The following VAMP3 variants were observed in gnomAD, a reference collection of about 807,000 sequenced individuals.
VAMP3 encodes vesicle associated membrane protein 3.
Under a neutral mutation model 18.1 loss-of-function variants are expected in VAMP3, and 11 were observed. That is an observed-to-expected ratio of 0.61 (90% CI 0.38 to 1.00). VAMP3 has a LOEUF of 1.00. VAMP3 is among the 50% of genes least tolerant of loss of function. VAMP3 has a pLI of 0.01. For missense variants in VAMP3, 122 were observed against 127.3 expected, an observed-to-expected ratio of 0.96 and a Z score of 0.20; for synonymous variants, 49 against 43.1, an observed-to-expected ratio of 1.14 and a Z score of -0.53.
At chr1:7,777,494 A>G (rs987831946) in intron 3 of VAMP3, among the ~76,000 whole-genome samples, 176 bp downstream of exon 3, 16 of 152,064 alleles carry the variant, frequency 1.1e-4, no homozygotes, top group Non-Finnish European at 2.4e-4. Flanking sequence ...TCCTAGCCCC[A>G]CACTAGGAAT....
chr1:7,778,333 G>A (rs984033506), intron 4 of VAMP3, among the ~76,000 whole-genome samples, 164 bp downstream of exon 4: 1 of 152,152 alleles, frequency 6.6e-6, no homozygotes, highest in Non-Finnish European at 1.5e-5. Context: ...GAGGCCAGGA[G>A]TTTGAGACCA....
In VAMP3 at chr1:7,773,451, T is replaced by C. The variant is rs774590605; in HGVS notation, c.12T>C (p.Gly4=). The C allele has an allele frequency of 9.9e-6, 16 of 1,613,932 alleles. No individual in the cohort carries two copies. The highest frequency in any genetic ancestry group is 1.2e-5 in the Non-Finnish European group (14 of 1,179,992). The change falls in exon 2 of 5, where the codon GGT becomes GGC. Residue 4 remains glycine, a synonymous_variant. Coordinates refer to ENST00000054666, the MANE Select transcript of VAMP3 (RefSeq NM_004781.4). MST[G]PTAATGSNRR... ...CCTTTACATGTTCCAGGTCTACAGG[T>C]CCAACTGCTGCCACTGGCAGTAATC...
chr1:7,771,447 C>G, intron 1 of VAMP3, 62 bp downstream of exon 1: 1 of 1,489,614 alleles, frequency 6.7e-7, no homozygotes. Context: ...CGCGCTGGGA[C>G]CGCCATACTG....
chr1:7,778,185 C>T lies in VAMP3; in HGVS notation c.283+16C>T. 1 of 1,614,012 alleles carries T rather than the reference C, an allele frequency of 6.2e-7. No individual in the cohort carries two copies. Among genetic ancestry groups the T allele is most frequent in the Non-Finnish European group, 8.5e-7 (1 of 1,179,926 alleles). On this transcript the variant is annotated intron_variant, in intron 4 of 4. Coordinates refer to ENST00000054666, the MANE Select transcript of VAMP3 (RefSeq NM_004781.4). ...ATCATCATCGGTGAGTTACCCTTTT[C>T]TAAACTGATTGGAAAAGTCTTCTCC...
chr1:7,773,652 C>G (rs999631823), intron 2 of VAMP3, 141 bp downstream of exon 2: 1 of 816,356 alleles, frequency 1.2e-6, no homozygotes, highest in African/African-American at 1.7e-5. Flanking sequence ...TTGCTCCCTG[C>G]TGTGCTGGAA....
Position 7,779,602 on chromosome 1 carries a change from T to C in VAMP3, c.284-24T>C, listed in dbSNP as rs144345842. 8.8e-4 allele frequency: 1,422 copies of C among 1,614,120 alleles called. 15 individuals carry two copies. In the African/African-American group the frequency reaches 0.017, roughly 19 times the overall value. On this transcript the variant is annotated intron_variant, in intron 4 of 4. Coordinates refer to ENST00000054666, the MANE Select transcript of VAMP3 (RefSeq NM_004781.4). Reference sequence around the variant, plus strand: ...GACTAACCTGCTGTTTCCCCTGCCTTTTTGCATCTCTCCTCCTTCTTAGTG... The same window carrying C: ...GACTAACCTGCTGTTTCCCCTGCCTCTTTGCATCTCTCCTCCTTCTTAGTG...
At chr1:7,772,691 C>G (rs1318830273) in intron 1 of VAMP3, 1 of 152,052 alleles carries the variant, frequency 6.6e-6, no homozygotes, top group Non-Finnish European at 1.5e-5. Flanking sequence ...GAGTTCGAGA[C>G]CAGCTTGACC....
chr1:7,779,827 C>A lies in VAMP3; in HGVS notation c.*182C>A, dbSNP rs991114793. On this transcript the variant is annotated 3_prime_UTR_variant, in exon 5 of 5. Transcript: ENST00000054666. ...TATGCACTCCAAATTAGAAGGCCGGCCCCGTCCACATTTTGCACAGTGCCT... is the reference window on the plus strand; with the variant it reads ...TATGCACTCCAAATTAGAAGGCCGGACCCGTCCACATTTTGCACAGTGCCT... The A allele has an allele frequency of 4.1e-6, 3 of 725,652 alleles. No homozygotes were observed. The highest frequency in any genetic ancestry group is 6.7e-6 in the Non-Finnish European group (3 of 448,556). 45.0% of individuals were successfully genotyped at this position (725,652 alleles called of 1,614,324 possible).
intron 3 of VAMP3, among the ~76,000 whole-genome samples, chr1:7,777,830 T>C (rs2097055069): frequency 6.6e-6 from 1 of 152,182 alleles, no homozygotes; most frequent in Admixed American, 6.5e-5. Flanking sequence ...AGTGACACTT[T>C]GAGACACAGG....
At chr1:7,777,389 A>G (rs148238114) in intron 3 of VAMP3, 71 bp downstream of exon 3, 1 of 1,520,390 alleles carries the variant, frequency 6.6e-7, no homozygotes, top group Non-Finnish European at 8.9e-7. Flanking sequence ...CAGGCTACAG[A>G]TAATGGACTT....
At chr1:7,778,084 T>C (rs2150366558) in intron 3 of VAMP3, 34 bp from the exon 4 acceptor site, 1 of 1,611,208 alleles carries the variant, frequency 6.2e-7, no homozygotes, top group Middle Eastern at 1.7e-4. Context: ...ATGTCTGCAT[T>C]TGAAATGTGA....
chr1:7,771,662 C>CA, intron 1 of VAMP3, among the ~76,000 whole-genome samples: 2 of 152,328 alleles, frequency 1.3e-5, no homozygotes, highest in Middle Eastern at 3.4e-3. Context: ...GCCCGCTCCT[C>CA]GCCCCTTCCC....
At chr1:7,776,136 G>C (rs1368490453) in intron 2 of VAMP3, among the ~76,000 whole-genome samples, 1 of 152,168 alleles carries the variant, frequency 6.6e-6, no homozygotes, top group African/African-American at 2.4e-5. Flanking sequence ...GCAATATTAA[G>C]TCTTCCAGTG....
At position 7,780,955 on chromosome 1, in the gene VAMP3, G is replaced by A. The variant is rs954211391; in HGVS notation, c.*1310G>A. ...ATGAGACTCAACATCAGGATCCACA[G>A]CTTAAAGATGGGAATTCAGGTATGA... On this transcript the variant is annotated 3_prime_UTR_variant, in exon 5 of 5. Coordinates refer to ENST00000054666, the MANE Select transcript of VAMP3 (RefSeq NM_004781.4). 10 of 152,680 alleles carry A rather than the reference G, an allele frequency of 6.5e-5. No homozygotes were observed. Among genetic ancestry groups the A allele is most frequent in the African/African-American group, 2.4e-4 (10 of 41,452 alleles). 9.5% of individuals were successfully genotyped at this position (152,680 alleles called of 1,614,324 possible).
intron 2 of VAMP3, among the ~76,000 whole-genome samples, chr1:7,774,465 G>T (rs1457337026): frequency 3.9e-5 from 6 of 151,988 alleles, no homozygotes; most frequent in African/African-American, 9.7e-5. Context: ...GTGTTATTTA[G>T]TATATTGATA....
At chr1:7,775,874 T>C (rs879781395) in intron 2 of VAMP3, among the ~76,000 whole-genome samples, 3 of 152,236 alleles carry the variant, frequency 2.0e-5, no homozygotes, top group Non-Finnish European at 4.4e-5. Flanking sequence ...GAGGTGGGGA[T>C]TCAACTTCAT....
chr1:7,778,500 C>T lies in VAMP3; in HGVS notation c.283+331C>T, dbSNP rs1307060365. 3.3e-5 allele frequency among the ~76,000 whole-genome samples: 5 copies of T among 151,544 alleles called. No homozygotes were observed. The East Asian group carries it at 9.7e-4, about 29-fold the overall frequency. Reference sequence around the variant, plus strand: ...AGTGAGCCATGATCATGCCACTGCCCTCTAGTCTGGGTGACAGAGTGAGAC... The same window carrying T: ...AGTGAGCCATGATCATGCCACTGCCTTCTAGTCTGGGTGACAGAGTGAGAC... On this transcript the variant is annotated intron_variant, in intron 4 of 4. Transcript: ENST00000054666.
At position 7,771,338 on chromosome 1, in the gene VAMP3, C is replaced by T. The variant is rs373739555; in HGVS notation, c.-46C>T. ...GGCCTCCGGTCCCAACTTCGCTTCT[C>T]TGCTGACCCTCTCTCGTCGCCGCTG... On this transcript the variant is annotated 5_prime_UTR_variant, in exon 1 of 5. Transcript: ENST00000054666. 2.5e-5 allele frequency: 40 copies of T among 1,593,814 alleles called. No individual in the cohort carries two copies. The highest frequency in any genetic ancestry group is 3.3e-5 in the Non-Finnish European group (39 of 1,172,910).
chr1:7,773,702 G>A (rs903457219), intron 2 of VAMP3, among the ~76,000 whole-genome samples, 191 bp downstream of exon 2: 1 of 152,184 alleles, frequency 6.6e-6, no homozygotes, highest in African/African-American at 2.4e-5. Flanking sequence ...TAGGTTTCAC[G>A]CTTGTTTTCC....
Sources: allele counts gnomAD v4.1 joint callset (sites outside exome capture counted in the v4.1 genomes callset), GRCh38; gene constraint gnomAD v4.1.1; transcripts MANE v1.5; gene names NCBI Gene and HGNC (gene_info 2026-07-23, HGNC 2026-07-21).